The following CSMD1 variants were observed in gnomAD, a reference collection of about 807,000 sequenced individuals.
The protein encoded by CSMD1 is CUB and Sushi multiple domains 1, also known as CUB and sushi domain-containing protein 1.
Under a neutral mutation model 417.5 loss-of-function variants are expected in CSMD1, and 213 were observed. The observed-to-expected ratio is 0.51, with a 90% CI of 0.46 to 0.57. The LOEUF is 0.57. CSMD1 is among the 20% of genes least tolerant of loss of function. The pLI, the probability that CSMD1 is intolerant of heterozygous loss-of-function variation, is 0.00. For missense variants in CSMD1, 6,923 were observed against 4,529.7 expected, an observed-to-expected ratio of 1.53 and a Z score of -15.17; for synonymous variants, 2,862 against 1,736.8, an observed-to-expected ratio of 1.65 and a Z score of -16.11.
At chr8:4,654,590 T>A (rs1483782182) in intron 1 of CSMD1, among the ~76,000 whole-genome samples, 1 of 152,116 alleles carries the variant, frequency 6.6e-6, no homozygotes, top group African/African-American at 2.4e-5. Context: ...TCCAGAGTTT[T>A]ATATTAGGAA....
intron 3 of CSMD1, among the ~76,000 whole-genome samples, chr8:4,174,058 C>G (rs537829490): frequency 1.3e-5 from 2 of 152,232 alleles, no homozygotes; most frequent in African/African-American, 4.8e-5. Flanking sequence ...TAGGCCTGGG[C>G]CACCTGCCTG....
At chr8:3,335,481 C>T (rs554388712) in intron 23 of CSMD1, among the ~76,000 whole-genome samples, 2 of 152,100 alleles carry the variant, frequency 1.3e-5, no homozygotes, top group African/African-American at 2.4e-5. Context: ...AGATCGAGAC[C>T]AGCCTGACCA....
At chr8:4,868,070 T>C (rs1802519845) in intron 1 of CSMD1, among the ~76,000 whole-genome samples, 1 of 152,052 alleles carries the variant, frequency 6.6e-6, no homozygotes, top group Non-Finnish European at 1.5e-5. Context: ...TTGTCTCTTA[T>C]TTACTGGAAA....
intron 1 of CSMD1, among the ~76,000 whole-genome samples, chr8:4,661,349 A>T (rs1804596250): frequency 6.6e-6 from 1 of 152,234 alleles, no homozygotes; most frequent in African/African-American, 2.4e-5. Flanking sequence ...TACTGGATAC[A>T]TCTTTAGAGA....
At chr8:4,241,491 G>A (rs997045383) in intron 3 of CSMD1, among the ~76,000 whole-genome samples, 1 of 152,140 alleles carries the variant, frequency 6.6e-6, no homozygotes, top group Non-Finnish European at 1.5e-5. Flanking sequence ...GTGAGGATGT[G>A]TCTTTGAATG....
intron 3 of CSMD1, among the ~76,000 whole-genome samples, chr8:4,057,904 G>C (rs1047318180): frequency 2.0e-5 from 3 of 151,778 alleles, no homozygotes; most frequent in African/African-American, 7.3e-5. Flanking sequence ...TCTCTGTTTT[G>C]GTACCAGTAC....
chr8:3,052,805 AG>A, intron 49 of CSMD1, among the ~76,000 whole-genome samples, 158 bp from the exon 50 acceptor site: 1 of 13,156 alleles, frequency 7.6e-5, no homozygotes, highest in Non-Finnish European at 2.9e-4. Context: ...TCTGGAGACA[AG>A]AGTTTTGTGC....
intron 25 of CSMD1, among the ~76,000 whole-genome samples, chr8:3,300,958 C>CAAAAAAAAA (rs374180480): frequency 9.9e-5 from 5 of 50,588 alleles, no homozygotes; most frequent in African/African-American, 2.0e-4. Context: ...GACTCTGTCT[C>CAAAAAAAAA]AAAAAAAAAA....
At chr8:4,550,018 G>T (rs1797800479) in intron 2 of CSMD1, among the ~76,000 whole-genome samples, 1 of 151,830 alleles carries the variant, frequency 6.6e-6, no homozygotes, top group African/African-American at 2.4e-5. Flanking sequence ...GACAAGAGTG[G>T]AGGAGAAAAG....
chr8:3,467,066 C>A (rs904312347), intron 12 of CSMD1, among the ~76,000 whole-genome samples: 3 of 152,148 alleles, frequency 2.0e-5, no homozygotes, highest in Non-Finnish European at 4.4e-5. Flanking sequence ...AAAGCCATCT[C>A]AGGGTGGCTA....
chr8:3,530,017 T>C (rs1410771666), intron 10 of CSMD1, among the ~76,000 whole-genome samples: 5 of 152,170 alleles, frequency 3.3e-5, no homozygotes, highest in Non-Finnish European at 1.5e-5. Context: ...ATTTTATCAG[T>C]GATAGAAGAA....
chr8:3,422,285 C>G (rs1199949624), intron 12 of CSMD1, among the ~76,000 whole-genome samples: 3 of 152,220 alleles, frequency 2.0e-5, no homozygotes, highest in African/African-American at 7.2e-5. Context: ...TTCTGGGTAC[C>G]TGATCAATGC....
At chr8:3,614,594 C>T (rs528093864) in intron 8 of CSMD1, among the ~76,000 whole-genome samples, 3 of 152,140 alleles carry the variant, frequency 2.0e-5, no homozygotes, top group African/African-American at 7.2e-5. Context: ...ACATGAAGTG[C>T]AATTTGAAGA....
At chr8:4,119,944 T>C (rs903876508) in intron 3 of CSMD1, among the ~76,000 whole-genome samples, 19 of 37,046 alleles carry the variant, frequency 5.1e-4, no homozygotes, top group African/African-American at 1.7e-3. Context: ...GGATGGTTAA[T>C]AGGTATCAAA....
At chr8:4,408,195 G>T (rs887282858) in intron 3 of CSMD1, among the ~76,000 whole-genome samples, 2 of 152,230 alleles carry the variant, frequency 1.3e-5, no homozygotes, top group African/African-American at 2.4e-5. Flanking sequence ...AATCAGTGTT[G>T]CAAGTTGACA....
intron 3 of CSMD1, among the ~76,000 whole-genome samples, chr8:4,102,171 G>C (rs1409898307): frequency 6.6e-6 from 1 of 152,146 alleles, no homozygotes; most frequent in East Asian, 1.9e-4. Flanking sequence ...TACTGGTTTT[G>C]TTTTTCTGTG....
intron 10 of CSMD1, among the ~76,000 whole-genome samples, chr8:3,506,597 T>C (rs1796838165): frequency 6.6e-6 from 1 of 152,208 alleles, no homozygotes; most frequent in South Asian, 2.1e-4. Flanking sequence ...TAAATATCTC[T>C]ATGTCTCCCA....
intron 6 of CSMD1, among the ~76,000 whole-genome samples, chr8:3,746,772 T>G (rs1417314523): frequency 1.3e-5 from 2 of 152,180 alleles, no homozygotes; most frequent in African/African-American, 2.4e-5. Context: ...AGAATGAACT[T>G]TTACATTTAT....
At chr8:3,659,400 C>T (rs563218967) in intron 7 of CSMD1, among the ~76,000 whole-genome samples, 9 of 152,284 alleles carry the variant, frequency 5.9e-5, no homozygotes, top group African/African-American at 1.9e-4. Flanking sequence ...ACACAGGTAA[C>T]GGGTCTCAGT....
Sources: allele counts gnomAD v4.1 joint callset (sites outside exome capture counted in the v4.1 genomes callset), GRCh38; gene constraint gnomAD v4.1.1; transcripts MANE v1.5; gene names NCBI Gene and HGNC (gene_info 2026-07-23, HGNC 2026-07-21).